Variants in EPB41L4A observed in about 807,000 individuals in gnomAD.
EPB41L4A encodes the protein band 4.1-like protein 4A.
In EPB41L4A, 100 loss-of-function variants were observed where a neutral mutation model predicts 108.6. The ratio of observed to expected loss-of-function variants is 0.92; its 90% CI spans 0.78 to 1.09. The LOEUF (loss-of-function observed/expected upper bound fraction) is 1.09, where lower values mean the gene tolerates loss of function less well. Ranked by LOEUF, EPB41L4A falls within the 50% of genes least tolerant of loss-of-function variation. EPB41L4A has a pLI of 0.00. For missense variants in EPB41L4A, 1,030 were observed against 842.7 expected (o/e 1.22, Z -2.75); for synonymous variants, 319 against 289.0 (o/e 1.10, Z -1.05).
intron 2 of EPB41L4A, among the ~76,000 whole-genome samples, chr5:112,290,355 C>T (rs1198374208): frequency 2.0e-5 from 3 of 152,184 alleles, no homozygotes; most frequent in Non-Finnish European, 4.4e-5. Context: ...CAACATATGC[C>T]TGTCTCTAGT....
At chr5:112,221,578 G>C (rs1016758389) in intron 12 of EPB41L4A, among the ~76,000 whole-genome samples, 2 of 152,168 alleles carry the variant, frequency 1.3e-5, no homozygotes, top group African/African-American at 4.8e-5. Flanking sequence ...ACTGTGTTTG[G>C]AATTTAGTAA....
Position 112,205,405 on chromosome 5 carries a change from C to T in EPB41L4A, c.1262+16G>A. On this transcript the variant is annotated intron_variant, in intron 14 of 22. Transcript: ENST00000261486. The stretch of plus-strand genomic sequence containing the variant: ...TTTTCTACTGTCTCCTTTATAAAAA[C>T]AATGATTCCCTTTACCTCTGGGGGC... 4 of 1,605,470 alleles carry T rather than the reference C, an allele frequency of 2.5e-6. No individual in the cohort carries two copies. The highest frequency in any genetic ancestry group is 3.4e-6 in the Non-Finnish European group (4 of 1,172,198).
intron 4 of EPB41L4A, among the ~76,000 whole-genome samples, chr5:112,273,175 A>G (rs1005960601): frequency 3.3e-5 from 5 of 152,228 alleles, no homozygotes; most frequent in African/African-American, 1.2e-4. Context: ...GCATATATCA[A>G]TGTATTAAAC....
chr5:112,262,608 C>T, intron 6 of EPB41L4A, 27 bp from the exon 7 acceptor site: 1 of 1,587,574 alleles, frequency 6.3e-7, no homozygotes. Context: ...AACAAAGAGC[C>T]TTATTTTACA....
At chr5:112,160,974 G>A (rs575918661), downstream of EPB41L4A, 1 of 156,358 alleles carries the variant, frequency 6.4e-6, no homozygotes, top group African/African-American at 2.4e-5. Context: ...GCGGGGGAAC[G>A]CGGCCACCCT....
At chr5:112,395,203 A>G (rs1761248845) in intron 1 of EPB41L4A, among the ~76,000 whole-genome samples, 1 of 152,250 alleles carries the variant, frequency 6.6e-6, no homozygotes, top group African/African-American at 2.4e-5. Context: ...TTCATGTCTA[A>G]AACACCAAAA....
Position 112,206,187 on chromosome 5 carries a change from T to A in EPB41L4A, c.1179-683A>T, listed in dbSNP as rs1420802820. The A allele has an allele frequency of 2.6e-5, 4 of 152,150 alleles. No individual in the cohort carries two copies. In the East Asian group the frequency reaches 5.8e-4, roughly 22 times the overall value. 9.4% of individuals were successfully genotyped at this position (152,150 alleles called of 1,614,324 possible). ...CCAGGCACCAGTGGGGAGGGGTGTG[T>A]CACCTCTCACATCCTCAGGAGTCTT... On this transcript the variant is annotated intron_variant, in intron 13 of 22. Transcript: ENST00000261486.
At chr5:112,373,495 T>C (rs1194435281) in intron 1 of EPB41L4A, among the ~76,000 whole-genome samples, 3 of 152,228 alleles carry the variant, frequency 2.0e-5, no homozygotes, top group Non-Finnish European at 4.4e-5. Context: ...CTATATCTTA[T>C]TTCCATTAAA....
chr5:112,301,462 G>C (rs1320042286), intron 2 of EPB41L4A, among the ~76,000 whole-genome samples: 1 of 152,134 alleles, frequency 6.6e-6, no homozygotes, highest in East Asian at 1.9e-4. Context: ...CTCCAGGCTG[G>C]TACTAGGGGT....
chr5:112,168,945 A>C, intron 21 of EPB41L4A, 50 bp downstream of exon 21: 1 of 1,511,818 alleles, frequency 6.6e-7, no homozygotes, highest in Non-Finnish European at 9.2e-7. Flanking sequence ...TTTAGACTGC[A>C]CTGTTTTGGA....
At chr5:112,309,746 A>C (rs1234496352) in intron 1 of EPB41L4A, among the ~76,000 whole-genome samples, 3 of 152,202 alleles carry the variant, frequency 2.0e-5, no homozygotes, top group Non-Finnish European at 4.4e-5. Flanking sequence ...ATGGGCTCTA[A>C]AAAGCACAGC....
chr5:112,231,195 T>C (rs6421836), intron 12 of EPB41L4A, among the ~76,000 whole-genome samples: 38,972 of 152,102 alleles, frequency 0.26, 6,633 homozygotes, highest in East Asian at 0.56. Context: ...TCTATATCTA[T>C]ACAGCAGAAA....
intron 1 of EPB41L4A, among the ~76,000 whole-genome samples, chr5:112,402,691 T>C (rs1761844490): frequency 6.6e-6 from 1 of 152,208 alleles, no homozygotes; most frequent in South Asian, 2.1e-4. Context: ...CCTTTTCAAC[T>C]TTTCTATGAC....
At chr5:112,217,602 G>T (rs532388560) in intron 12 of EPB41L4A, among the ~76,000 whole-genome samples, 2 of 152,142 alleles carry the variant, frequency 1.3e-5, no homozygotes, top group Middle Eastern at 3.2e-3. Flanking sequence ...TGAGACTGAG[G>T]CAGGAGGATT....
chr5:112,168,892 T>A, intron 21 of EPB41L4A, 72 bp from the exon 22 acceptor site: 4 of 1,497,086 alleles, frequency 2.7e-6, no homozygotes, highest in Non-Finnish European at 3.7e-6. Flanking sequence ...GGAAGAGAAC[T>A]ACAGTGTAGA....
At chr5:112,183,874 G>A (rs3797320) in intron 18 of EPB41L4A, 142 bp downstream of exon 18, 21,553 of 1,105,396 alleles carry the variant, frequency 0.019, 1,236 homozygotes, top group East Asian at 0.19. Context: ...GTTAATAAAT[G>A]TCACAAATAT....
chr5:112,306,203 C>G (rs1754669720), intron 2 of EPB41L4A, among the ~76,000 whole-genome samples: 1 of 152,066 alleles, frequency 6.6e-6, no homozygotes, highest in Non-Finnish European at 1.5e-5. Context: ...CACATGACAC[C>G]TTCTTTAGCC....
chr5:112,328,763 T>A (rs1050822762), intron 1 of EPB41L4A, among the ~76,000 whole-genome samples: 3 of 152,220 alleles, frequency 2.0e-5, no homozygotes, highest in African/African-American at 7.2e-5. Context: ...TAGTAAAACT[T>A]CTCAATTCCT....
chr5:112,164,847 A>G lies in EPB41L4A; in HGVS notation c.*143T>C. The G allele has an allele frequency of 1.0e-6, 1 of 971,902 alleles. No homozygotes were observed. The highest frequency in any genetic ancestry group is 1.4e-6 in the Non-Finnish European group (1 of 695,206). 60.2% of individuals were successfully genotyped at this position (971,902 alleles called of 1,614,324 possible). ...ATAACATCTCAAAAAAAAAAAAAAA[A>G]AGAAGCAAAAGATAATGTATTTTCT... On this transcript the variant is annotated 3_prime_UTR_variant, in exon 23 of 23. Transcript: ENST00000261486.
Sources: gnomAD v4.1 joint callset for allele counts (sites outside exome capture counted in the v4.1 genomes callset) on GRCh38, gnomAD v4.1.1 for gene constraint, MANE v1.5 for transcripts, NCBI Gene and HGNC (gene_info 2026-07-23, HGNC 2026-07-21) for gene names.